The following SHISA9 variants were observed in gnomAD, a reference collection of about 807,000 sequenced individuals.
The protein encoded by SHISA9 is protein shisa-9.
Under a neutral mutation model 38.0 loss-of-function variants are expected in SHISA9, and 13 were observed. That is an observed-to-expected ratio of 0.34 (90% CI 0.22 to 0.54). The LOEUF (loss-of-function observed/expected upper bound fraction) is 0.54, where lower values mean the gene tolerates loss of function less well. SHISA9 is among the 20% of genes least tolerant of loss of function. The pLI is 0.91. For synonymous variants in SHISA9, 275 were observed against 242.0 expected (o/e 1.14, Z -1.27); for missense variants, 538 against 575.8 (o/e 0.93, Z 0.67).
the SHISA9 span, among the ~76,000 whole-genome samples, chr16:13,355,158 C>T: frequency 2.0e-5 from 3 of 149,836 alleles, no homozygotes; most frequent in Non-Finnish European, 4.4e-5. Context: ...TGATAAGGCA[C>T]AGATACTGAA....
chr16:13,114,900 CTCCATCCATCCA>C (rs3075115), intron 2 of SHISA9, among the ~76,000 whole-genome samples: 5 of 149,670 alleles, frequency 3.3e-5, no homozygotes, highest in Non-Finnish European at 5.9e-5. Flanking sequence ...TTACATCTAA[CTCCATCCATCCA>C]TCCATCCATC....
the SHISA9 span, among the ~76,000 whole-genome samples, chr16:13,402,262 C>T: frequency 5.3e-5 from 8 of 152,148 alleles, no homozygotes; most frequent in Admixed American, 1.3e-4. Flanking sequence ...AGTCTGAGTT[C>T]GAATGCTTGA....
At chr16:13,112,403 G>A (rs1002294163) in intron 2 of SHISA9, among the ~76,000 whole-genome samples, 3 of 152,056 alleles carry the variant, frequency 2.0e-5, no homozygotes, top group Non-Finnish European at 4.4e-5. Flanking sequence ...GAAAAAAAAG[G>A]TTTTGATTTT....
At chr16:13,258,719 C>A in the SHISA9 span, among the ~76,000 whole-genome samples, 1 of 152,144 alleles carries the variant, frequency 6.6e-6, no homozygotes, top group African/African-American at 2.4e-5. Flanking sequence ...GAGGAAGAAG[C>A]AAAAGCAGAA....
intron 2 of SHISA9, among the ~76,000 whole-genome samples, chr16:13,044,598 A>C (rs2073166351): frequency 6.6e-6 from 1 of 152,182 alleles, no homozygotes; most frequent in Non-Finnish European, 1.5e-5. Context: ...TTGTTTGAGG[A>C]AGCACCGTGG....
intron 2 of SHISA9, among the ~76,000 whole-genome samples, chr16:12,996,783 C>G (rs1289705473): frequency 1.3e-5 from 2 of 152,054 alleles, no homozygotes; most frequent in African/African-American, 2.4e-5. Flanking sequence ...ACAGCTTCCT[C>G]TAGGTCTGGT....
the SHISA9 span, among the ~76,000 whole-genome samples, chr16:13,525,982 A>T: frequency 3.2e-4 from 49 of 152,386 alleles, no homozygotes; most frequent in African/African-American, 1.1e-3. Context: ...TGCAGCAAGC[A>T]TATGTTTTCC....
At chr16:13,280,065 A>T in the SHISA9 span, among the ~76,000 whole-genome samples, 2 of 146,552 alleles carry the variant, frequency 1.4e-5, no homozygotes, top group Non-Finnish European at 3.0e-5. Context: ...CAGAGTAGTG[A>T]TGCTACTTTT....
intron 2 of SHISA9, among the ~76,000 whole-genome samples, chr16:13,126,148 G>C (rs1344863592): frequency 6.6e-6 from 1 of 152,124 alleles, no homozygotes; most frequent in African/African-American, 2.4e-5. Flanking sequence ...ACAAAGATTC[G>C]GCAGCCCCAT....
chr16:12,969,483 C>T (rs2072026573), intron 2 of SHISA9, among the ~76,000 whole-genome samples: 1 of 151,964 alleles, frequency 6.6e-6, no homozygotes, highest in Admixed American at 6.6e-5. Context: ...GTGGCTCACA[C>T]CTGTAATCCC....
chr16:13,369,651 C>T, the SHISA9 span, among the ~76,000 whole-genome samples: 124,423 of 151,848 alleles, frequency 0.82, 51,108 homozygotes, highest in East Asian at 0.96. Flanking sequence ...GTCTTTGTGC[C>T]AACTGCATCA....
chr16:13,319,333 G>T, the SHISA9 span, among the ~76,000 whole-genome samples: 2 of 152,280 alleles, frequency 1.3e-5, no homozygotes, highest in African/African-American at 4.8e-5. Context: ...TTTACAAAAT[G>T]ATCTCAACCG....
At chr16:13,069,076 T>C (rs2073472696) in intron 2 of SHISA9, among the ~76,000 whole-genome samples, 1 of 152,080 alleles carries the variant, frequency 6.6e-6, no homozygotes, top group South Asian at 2.1e-4. Flanking sequence ...TGTGTACATG[T>C]GTACATGCAA....
chr16:13,353,836 T>C, the SHISA9 span, among the ~76,000 whole-genome samples: 1 of 152,140 alleles, frequency 6.6e-6, no homozygotes, highest in Non-Finnish European at 1.5e-5. Context: ...GTAAGGGATA[T>C]AAAGGTTTCA....
intron 1 of SHISA9, among the ~76,000 whole-genome samples, chr16:12,914,392 A>G (rs1459909263): frequency 6.6e-6 from 1 of 151,922 alleles, no homozygotes; most frequent in Non-Finnish European, 1.5e-5. Flanking sequence ...ATCTTCTCCC[A>G]TAGAATATAA....
At chr16:13,275,622 C>A in the SHISA9 span, among the ~76,000 whole-genome samples, 10 of 151,914 alleles carry the variant, frequency 6.6e-5, no homozygotes, top group East Asian at 1.2e-3. Context: ...AGGTATATAT[C>A]CCTCTTCTCT....
intron 2 of SHISA9, among the ~76,000 whole-genome samples, chr16:13,084,629 A>T (rs985576678): frequency 6.6e-6 from 1 of 152,198 alleles, no homozygotes; most frequent in African/African-American, 2.4e-5. Flanking sequence ...ACTACCCTTC[A>T]TGGGATTTAA....
intron 2 of SHISA9, among the ~76,000 whole-genome samples, chr16:13,002,766 C>G (rs575640806): frequency 9.2e-5 from 14 of 152,066 alleles, no homozygotes; most frequent in Non-Finnish European, 1.9e-4. Context: ...CTCCCGACCT[C>G]AGGTGATCTG....
the SHISA9 span, among the ~76,000 whole-genome samples, chr16:13,527,301 C>T: frequency 3.3e-5 from 5 of 152,184 alleles, no homozygotes; most frequent in African/African-American, 1.2e-4. Flanking sequence ...GAACGCCTCC[C>T]TCCCTCCATC....
Sources: gnomAD v4.1 joint callset for allele counts (sites outside exome capture counted in the v4.1 genomes callset) on GRCh38, gnomAD v4.1.1 for gene constraint, MANE v1.5 for transcripts, NCBI Gene and HGNC (gene_info 2026-07-23, HGNC 2026-07-21) for gene names.